Variants in TMC1 observed in about 807,000 individuals in gnomAD.
TMC1 encodes transmembrane channel like 1.
A neutral mutation model predicts 105.8 loss-of-function variants in TMC1; 84 were observed. That is an observed-to-expected ratio of 0.79 (90% CI 0.67 to 0.95). The LOEUF is 0.95. Among genes scored for constraint, TMC1 ranks in the 40% least tolerant of loss-of-function variants. The pLI is 0.00. For missense variants in TMC1, 817 were observed against 914.1 expected, an observed-to-expected ratio of 0.89 and a Z score of 1.37; for synonymous variants, 315 against 311.5, an observed-to-expected ratio of 1.01 and a Z score of -0.12.
At chr9:72,561,936 A>T (rs1039077460) in intron 1 of TMC1, among the ~76,000 whole-genome samples, 3 of 151,888 alleles carry the variant, frequency 2.0e-5, no homozygotes, top group African/African-American at 7.3e-5. Context: ...TGAGCTCAGG[A>T]GTTTGAAGAT....
chr9:72,774,413 C>T (rs557280077), intron 13 of TMC1, among the ~76,000 whole-genome samples: 67 of 152,236 alleles, frequency 4.4e-4, no homozygotes, highest in African/African-American at 1.4e-3. Context: ...CTCTGCCTTT[C>T]GAAAGGTATC....
At chr9:72,522,971 C>T (rs779875242) in intron 1 of TMC1, among the ~76,000 whole-genome samples, 6 of 152,158 alleles carry the variant, frequency 3.9e-5, no homozygotes, top group African/African-American at 9.7e-5. Flanking sequence ...GTATCAACCC[C>T]CTTCCCCAGA....
intron 8 of TMC1, among the ~76,000 whole-genome samples, chr9:72,713,382 C>A (rs548640537): frequency 6.6e-6 from 1 of 152,228 alleles, no homozygotes; most frequent in East Asian, 1.9e-4. Flanking sequence ...TGGTGGAATT[C>A]ATCTGTGAAT....
intron 5 of TMC1, among the ~76,000 whole-genome samples, chr9:72,674,951 T>C (rs1826179186): frequency 6.6e-6 from 1 of 152,224 alleles, no homozygotes; most frequent in Non-Finnish European, 1.5e-5. Context: ...CAAACAGCTT[T>C]ACCAAGCTCA....
At chr9:72,654,418 T>C (rs1055599604) in intron 5 of TMC1, among the ~76,000 whole-genome samples, 1 of 152,234 alleles carries the variant, frequency 6.6e-6, no homozygotes, top group Non-Finnish European at 1.5e-5. Context: ...TCTTTGTTCT[T>C]CATTCTCTTT....
intron 3 of TMC1, among the ~76,000 whole-genome samples, chr9:72,620,144 AT>A (rs1825220332): frequency 6.6e-6 from 1 of 152,142 alleles, no homozygotes; most frequent in African/African-American, 2.4e-5. Flanking sequence ...AATTTAAAAA[AT>A]TTTTAAGTCA....
intron 5 of TMC1, among the ~76,000 whole-genome samples, chr9:72,685,205 CAT>C (rs1826358988): frequency 6.9e-6 from 1 of 144,714 alleles, no homozygotes; most frequent in Non-Finnish European, 1.5e-5. Flanking sequence ...CTCCCGGGTT[CAT>C]ACCATTCTCC....
chr9:72,704,387 G>T (rs1362552360), intron 8 of TMC1, among the ~76,000 whole-genome samples: 1 of 152,168 alleles, frequency 6.6e-6, no homozygotes, highest in Non-Finnish European at 1.5e-5. Context: ...TTTAGAGTAA[G>T]CCTCAGGAAT....
chr9:72,585,804 T>C (rs1824546562), intron 2 of TMC1, among the ~76,000 whole-genome samples: 1 of 152,090 alleles, frequency 6.6e-6, no homozygotes, highest in Admixed American at 6.5e-5. Context: ...AATCATGATG[T>C]GTGTTGTGTA....
chr9:72,573,882 A>G (rs900804764), intron 1 of TMC1, among the ~76,000 whole-genome samples: 2 of 152,176 alleles, frequency 1.3e-5, no homozygotes, highest in Non-Finnish European at 2.9e-5. Flanking sequence ...CGGATGATTC[A>G]TCACCCAGGG....
chr9:72,629,007 T>G (rs1825401750), intron 4 of TMC1, among the ~76,000 whole-genome samples: 1 of 152,184 alleles, frequency 6.6e-6, no homozygotes, highest in Admixed American at 6.5e-5. Context: ...TCTTACTAAT[T>G]AGCAATAACT....
At chr9:72,799,137 A>C (rs1828425543) in intron 17 of TMC1, among the ~76,000 whole-genome samples, 1 of 152,124 alleles carries the variant, frequency 6.6e-6, no homozygotes, top group Admixed American at 6.5e-5. Context: ...TATATTTTGA[A>C]AAGCTTTTAT....
intron 5 of TMC1, among the ~76,000 whole-genome samples, chr9:72,677,596 T>A (rs181519719): frequency 2.0e-5 from 3 of 152,278 alleles, no homozygotes; most frequent in Non-Finnish European, 2.9e-5. Flanking sequence ...GTGCTCCATA[T>A]ATATTTACTA....
At chr9:72,687,118 A>G (rs796649379) in intron 5 of TMC1, among the ~76,000 whole-genome samples, 15 of 152,218 alleles carry the variant, frequency 9.9e-5, no homozygotes, top group African/African-American at 3.6e-4. Context: ...TTTCTGTTTT[A>G]TTTAATTAAC....
In TMC1 at chr9:72,601,476, T is replaced by A. The variant is rs542523893; in HGVS notation, c.-305-14892T>A. Among the ~76,000 whole-genome samples the A allele has an allele frequency of 2.1e-3, 326 of 152,182 alleles. 2 individuals are homozygous for A. Among genetic ancestry groups the A allele is most frequent in the African/African-American group, 7.7e-3 (318 of 41,524 alleles). ...CTGGCCAACATGGTGAAACCCCGTC[T>A]CTACTAAAAACACAAAAATTAGCTG... On this transcript the variant is annotated intron_variant, in intron 2 of 23. Transcript: ENST00000297784.
rs1227853868 is a variant in TMC1 at position 72,789,231 on chromosome 9, G to C, written c.1138G>C (p.Gly380Arg). ...FFVFLTLGGS[G>R]YLIFWAVKRS... Reference sequence around the variant, plus strand: ...CGTGTTTCTAACACTTGGAGGGAGTGGATACCTCATCTTTTGGGCTGTGAA... The same window carrying C: ...CGTGTTTCTAACACTTGGAGGGAGTCGATACCTCATCTTTTGGGCTGTGAA... Residue 380 changes from glycine to arginine, a missense_variant, in exon 15 of 24, where the codon GGA becomes CGA. Gly to Arg is a moderately radical substitution (Grantham distance 125). Transcript: ENST00000297784. 6.2e-7 allele frequency: 1 copy of C among 1,613,996 alleles called. No individual in the cohort carries two copies. Among genetic ancestry groups the C allele is most frequent in the Admixed American group, 1.7e-5 (1 of 60,020 alleles).
intron 10 of TMC1, among the ~76,000 whole-genome samples, chr9:72,746,539 C>T (rs1354754215): frequency 6.6e-6 from 1 of 152,002 alleles, no homozygotes; most frequent in Non-Finnish European, 1.5e-5. Context: ...ACTCTCTGCT[C>T]AGTATCTAGA....
In TMC1 at chr9:72,791,878, C is replaced by T. The variant is rs375785074; in HGVS notation, c.1225-8C>T. ...TTAACCTAGTTTCTCCCTTGTGCCT[C>T]CTTGTAGATGAACATGGTTATGTCC... On this transcript the variant is annotated splice_region_variant and splice_polypyrimidine_tract_variant and intron_variant, in intron 15 of 23. Transcript: ENST00000297784. 56 of 1,611,264 alleles carry T rather than the reference C, an allele frequency of 3.5e-5. 1 individual carries two copies. The Middle Eastern group carries it at 1.5e-3, about 42-fold the overall frequency.
chr9:72,619,824 A>T (rs528983203), intron 3 of TMC1, among the ~76,000 whole-genome samples: 3,405 of 150,788 alleles, frequency 0.023, 57 homozygotes, highest in Middle Eastern at 0.079. Flanking sequence ...TTAATTAATT[A>T]ATTAATTAAT....
Sources: allele counts gnomAD v4.1 joint callset (sites outside exome capture counted in the v4.1 genomes callset), GRCh38; gene constraint gnomAD v4.1.1; transcripts MANE v1.5; gene names NCBI Gene and HGNC (gene_info 2026-07-23, HGNC 2026-07-21).